ANKRD11: variants seen among roughly 807,000 people sequenced by gnomAD.
The protein encoded by ANKRD11 is ankyrin repeat domain 11.
A neutral mutation model predicts 195.7 loss-of-function variants in ANKRD11; 17 were observed. That is an observed-to-expected ratio of 0.09 (90% confidence interval 0.06 to 0.13). ANKRD11 has a LOEUF of 0.13. Among genes scored for constraint, ANKRD11 ranks in the 10% least tolerant of loss-of-function variants. ANKRD11 has a pLI of 1.00. For missense variants in ANKRD11, 3,735 were observed against 3,566.1 expected (o/e 1.05, Z -1.21); for synonymous variants, 1,953 against 1,528.1 (o/e 1.28, Z -6.49).
At chr16:89,334,464 C>T (rs905337429) in intron 2 of ANKRD11, among the ~76,000 whole-genome samples, 1 of 152,184 alleles carries the variant, frequency 6.6e-6, no homozygotes, top group African/African-American at 2.4e-5. Flanking sequence ...CACTGCTCTG[C>T]TTCCTCTCAC....
intron 1 of ANKRD11, among the ~76,000 whole-genome samples, chr16:89,466,002 G>A (rs991781822): frequency 6.6e-6 from 1 of 152,036 alleles, no homozygotes; most frequent in East Asian, 1.9e-4. Context: ...GAGCCACCGC[G>A]CCTGGCCACC....
intron 2 of ANKRD11, among the ~76,000 whole-genome samples, chr16:89,353,840 A>G (rs1018785359): frequency 1.3e-5 from 2 of 152,184 alleles, no homozygotes; most frequent in African/African-American, 4.8e-5. Flanking sequence ...TGGGAACACA[A>G]CACACATCAG....
rs771294050 is a variant in ANKRD11 at position 89,286,331 on chromosome 16, G to A, written c.745-145C>T. The A allele has an allele frequency of 4.5e-4, 530 of 1,184,784 alleles. 1 individual carries two copies. The highest frequency in any genetic ancestry group is 2.2e-3 in the Admixed American group (119 of 54,880). 73.4% of individuals were successfully genotyped at this position (1,184,784 alleles called of 1,614,324 possible). A position where few individuals can be genotyped will look rare whatever the true frequency, so the allele number is the denominator to read the frequency against. On this transcript the variant is annotated intron_variant, in intron 7 of 12. Coordinates refer to ENST00000301030, the MANE Select transcript of ANKRD11 (RefSeq NM_013275.6). ...CGGTCTGAGGGTGTGGGAGCCGAGCGCCCAGGGACTGCCTGGCGAGGCTCT... is the reference window on the plus strand; with the variant it reads ...CGGTCTGAGGGTGTGGGAGCCGAGCACCCAGGGACTGCCTGGCGAGGCTCT...
At chr16:89,392,344 A>G (rs982326442) in intron 2 of ANKRD11, 2 of 152,434 alleles carry the variant, frequency 1.3e-5, no homozygotes, top group African/African-American at 4.8e-5. Context: ...CTGATGGCCC[A>G]TTCCTGAAGG....
intron 2 of ANKRD11, among the ~76,000 whole-genome samples, chr16:89,409,069 G>T (rs1470916529): frequency 6.6e-6 from 1 of 152,182 alleles, no homozygotes; most frequent in Non-Finnish European, 1.5e-5. Context: ...TGCACAAAAG[G>T]CCAGAGCAGC....
rs115247710 is a variant in ANKRD11, at chr16:89,404,255, A to G, written c.-60+14029T>C. Among the ~76,000 whole-genome samples the G allele has an allele frequency of 8.6e-3, 1,310 of 152,312 alleles. 18 individuals are homozygous for G. Among genetic ancestry groups the G allele is most frequent in the African/African-American group, 0.03 (1,243 of 41,564 alleles). On this transcript the variant is annotated intron_variant, in intron 2 of 12. Coordinates refer to ENST00000301030, the MANE Select transcript of ANKRD11 (RefSeq NM_013275.6). ...CTGTAGAACCCTGTTCTAGTCTCCT[A>G]TCCACCCTCACCAAGGCACTAAATC...
In ANKRD11 at chr16:89,270,498, A is replaced by C. The variant is rs113843083; in HGVS notation, c.7806+319T>G. The C allele has an allele frequency of 9.4e-3, 3,937 of 420,776 alleles. 38 individuals are homozygous for C. Among genetic ancestry groups the C allele is most frequent in the East Asian group, 0.035 (670 of 19,260 alleles). 26.1% of individuals were successfully genotyped at this position (420,776 alleles called of 1,614,324 possible). On this transcript the variant is annotated intron_variant, in intron 12 of 12. Transcript: ENST00000301030. ...AGCACTTCCAGAGCAGTGGAGGGTG[A>C]ATGCTGGGACCTTAGAGGGGGCTCA...
At chr16:89,475,221 C>A (rs571902812) in intron 1 of ANKRD11, among the ~76,000 whole-genome samples, 2 of 152,210 alleles carry the variant, frequency 1.3e-5, no homozygotes, top group African/African-American at 4.8e-5. Context: ...GACCACTCCA[C>A]TGGAGAACAA....
intron 4 of ANKRD11, among the ~76,000 whole-genome samples, chr16:89,303,033 G>A (rs747444882): frequency 1.3e-5 from 2 of 152,196 alleles, no homozygotes; most frequent in Non-Finnish European, 2.9e-5. Flanking sequence ...CCCTGGGTGA[G>A]AGCTTCTCTG....
At chr16:89,333,693 T>C (rs1167135164) in intron 2 of ANKRD11, among the ~76,000 whole-genome samples, 2 of 152,224 alleles carry the variant, frequency 1.3e-5, no homozygotes, top group South Asian at 2.1e-4. Context: ...TAATAGTCTG[T>C]CGTCTGGATG....
chr16:89,372,103 C>A (rs2040218530), intron 2 of ANKRD11, among the ~76,000 whole-genome samples: 1 of 152,230 alleles, frequency 6.6e-6, no homozygotes, highest in Non-Finnish European at 1.5e-5. Flanking sequence ...CCACGGCGGG[C>A]ACCCGGCCCT....
intron 1 of ANKRD11, among the ~76,000 whole-genome samples, chr16:89,426,667 C>T (rs1318099942): frequency 2.0e-5 from 3 of 151,914 alleles, no homozygotes; most frequent in African/African-American, 7.3e-5. Context: ...CTTAGTAAAC[C>T]CACAGAATTC....
chr16:89,368,878 G>T (rs1181739845), intron 2 of ANKRD11, among the ~76,000 whole-genome samples: 2 of 152,100 alleles, frequency 1.3e-5, no homozygotes, highest in African/African-American at 4.8e-5. Context: ...CAAATCTAGG[G>T]GAGGAGAAAG....
At position 89,291,434 on chromosome 16, in the gene ANKRD11, C is replaced by T. The variant is rs1418578155; in HGVS notation, c.227-251G>A. The stretch of plus-strand genomic sequence containing the variant: ...GCCCCTCAAGTCTGCTAAGCCTGGG[C>T]CTCCACCGAGCATCCACTCACTCCA... On this transcript the variant is annotated intron_variant, in intron 4 of 12. Coordinates refer to ENST00000301030, the MANE Select transcript of ANKRD11 (RefSeq NM_013275.6). The surrounding 1 kb of genome is among the most constrained non-coding windows in gnomAD (Gnocchi z 5.3). Among the ~76,000 whole-genome samples the T allele has an allele frequency of 1.3e-5, 2 of 152,154 alleles. No individual in the cohort carries two copies. Among genetic ancestry groups the T allele is most frequent in the Non-Finnish European group, 2.9e-5 (2 of 68,034 alleles).
Position 89,405,969 on chromosome 16 carries a change from G to A in ANKRD11, c.-60+12315C>T, listed in dbSNP as rs138986382. 7.6e-4 allele frequency among the ~76,000 whole-genome samples: 116 copies of A among 152,156 alleles called. 1 individual carries two copies. In the East Asian group the frequency reaches 0.02, roughly 26 times the overall value. ...TACTAAAAAGACAAAAACTTACCGGGCGTGGTGGCACACACCTGCAATCTC... is the reference window on the plus strand; with the variant it reads ...TACTAAAAAGACAAAAACTTACCGGACGTGGTGGCACACACCTGCAATCTC... On this transcript the variant is annotated intron_variant, in intron 2 of 12. Transcript: ENST00000301030.
intron 2 of ANKRD11, among the ~76,000 whole-genome samples, chr16:89,342,662 GA>G (rs1479574944): frequency 6.6e-6 from 1 of 152,154 alleles, no homozygotes; most frequent in Non-Finnish European, 1.5e-5. Flanking sequence ...ATTCTTAAGA[GA>G]AAAAACAAAC....
intron 2 of ANKRD11, among the ~76,000 whole-genome samples, chr16:89,335,313 C>A (rs748304355): frequency 1.5e-4 from 23 of 152,186 alleles, no homozygotes; most frequent in Non-Finnish European, 2.2e-4. Flanking sequence ...CAGGGCTGCA[C>A]AGAGGGCTCC....
At chr16:89,275,266 G>C (rs1275339698) in intron 9 of ANKRD11, 75 bp from the exon 10 acceptor site, 2 of 1,334,634 alleles carry the variant, frequency 1.5e-6, no homozygotes, top group Non-Finnish European at 2.1e-6. Context: ...TGGAGTTCAC[G>C]GGGGTCCCGA....
intron 2 of ANKRD11, among the ~76,000 whole-genome samples, chr16:89,358,392 G>A (rs774254366): frequency 2.6e-5 from 4 of 152,184 alleles, no homozygotes; most frequent in Non-Finnish European, 4.4e-5. Context: ...TAGCGACCAC[G>A]TTTCAAAGAG....
Sources: gnomAD v4.1 joint callset for allele counts (sites outside exome capture counted in the v4.1 genomes callset) on GRCh38, gnomAD v4.1.1 for gene constraint, Gnocchi (gnomAD v3.1) non-coding constraint, MANE v1.5 for transcripts, NCBI Gene and HGNC (gene_info 2026-07-23, HGNC 2026-07-21) for gene names.